CSNK1G1: variants seen among roughly 807,000 people sequenced by gnomAD.
The protein encoded by CSNK1G1 is casein kinase I isoform gamma-1.
A neutral mutation model predicts 59.6 loss-of-function variants in CSNK1G1; 22 were observed. The observed-to-expected ratio is 0.37, with a 90% CI of 0.26 to 0.53. The LOEUF is 0.53. CSNK1G1 is among the 20% of genes least tolerant of loss of function. The pLI is 0.89. For synonymous variants in CSNK1G1, 179 were observed against 177.1 expected (o/e 1.01, Z -0.08); for missense variants, 384 against 519.5 (o/e 0.74, Z 2.54).
rs1006936338 is a variant in CSNK1G1, at chr15:64,171,777, G to A, written c.*154C>T. ...ATGACCCACTAGGCCCTGGCTGCCC[G>A]CACTGGCCCCTTCTGGGGGCATCTG... On this transcript the variant is annotated 3_prime_UTR_variant, in exon 12 of 12. Coordinates refer to ENST00000303052, the MANE Select transcript of CSNK1G1 (RefSeq NM_022048.5). The surrounding 1 kb of genome is among the most constrained non-coding windows in gnomAD (Gnocchi z 4.8). 12 of 701,112 alleles carry A rather than the reference G, an allele frequency of 1.7e-5. No individual in the cohort carries two copies. Among genetic ancestry groups the A allele is most frequent in the East Asian group, 7.5e-5 (3 of 40,012 alleles). 43.4% of individuals were successfully genotyped at this position (701,112 alleles called of 1,614,324 possible). A position where few individuals can be genotyped will look rare whatever the true frequency, so the allele number is the denominator to read the frequency against.
chr15:64,352,321 A>C (rs1185461525), intron 1 of CSNK1G1, among the ~76,000 whole-genome samples: 1 of 152,008 alleles, frequency 6.6e-6, no homozygotes, highest in Non-Finnish European at 1.5e-5. Flanking sequence ...AAAAGTGAAA[A>C]GATAAAAGAA....
intron 4 of CSNK1G1, among the ~76,000 whole-genome samples, chr15:64,220,462 A>T (rs1013965965): frequency 3.3e-5 from 5 of 151,804 alleles, no homozygotes; most frequent in African/African-American, 7.3e-5. Context: ...GACAATTAGG[A>T]AAGACCAATG....
intron 4 of CSNK1G1, among the ~76,000 whole-genome samples, chr15:64,239,922 A>G (rs543080961): frequency 6.6e-5 from 10 of 152,326 alleles, no homozygotes; most frequent in African/African-American, 2.4e-4. Flanking sequence ...GTCATTTGAA[A>G]CTACTCAGTT....
intron 4 of CSNK1G1, among the ~76,000 whole-genome samples, chr15:64,225,006 C>CTTTTTTTTTT (rs750533422): frequency 8.2e-6 from 1 of 121,852 alleles, no homozygotes; most frequent in Non-Finnish European, 1.7e-5. Flanking sequence ...ATACACTTTT[C>CTTTTTTTTTT]TTTTTTTTTT....
intron 2 of CSNK1G1, among the ~76,000 whole-genome samples, chr15:64,259,521 CACAT>C (rs1367234666): frequency 9.4e-5 from 14 of 148,988 alleles, no homozygotes; most frequent in South Asian, 2.1e-4. Flanking sequence ...CACACACACA[CACAT>C]GCATGCATAT....
intron 2 of CSNK1G1, among the ~76,000 whole-genome samples, chr15:64,271,717 T>A (rs1348638781): frequency 2.0e-5 from 3 of 152,238 alleles, no homozygotes; most frequent in Non-Finnish European, 2.9e-5. Flanking sequence ...CATGTGGTGA[T>A]GAGAAGAATG....
Position 64,302,664 on chromosome 15 carries a change from A to G in CSNK1G1, c.-224-1941T>C, listed in dbSNP as rs182426288. Among the ~76,000 whole-genome samples the G allele has an allele frequency of 2.7e-3, 406 of 152,290 alleles. 4 individuals carry two copies. Among genetic ancestry groups the G allele is most frequent in the Non-Finnish European group, 5.0e-3 (342 of 68,016 alleles). Reference sequence around the variant, plus strand: ...CCCTCAAATGATATTAGAAAGAAAGAGAAAAAAATATCATAATTGTTGGGA... The same window carrying G: ...CCCTCAAATGATATTAGAAAGAAAGGGAAAAAAATATCATAATTGTTGGGA... On this transcript the variant is annotated intron_variant, in intron 1 of 11. Transcript: ENST00000303052.
chr15:64,267,763 A>C (rs1408267678), intron 2 of CSNK1G1, among the ~76,000 whole-genome samples: 1 of 152,194 alleles, frequency 6.6e-6, no homozygotes, highest in Non-Finnish European at 1.5e-5. Flanking sequence ...AAAATTAAAA[A>C]CAAAACTACC....
intron 1 of CSNK1G1, among the ~76,000 whole-genome samples, chr15:64,323,589 T>G (rs1331060369): frequency 6.6e-6 from 1 of 152,138 alleles, no homozygotes; most frequent in Admixed American, 6.5e-5. Flanking sequence ...GGTCTCAAAC[T>G]CCTGACCTCA....
intron 2 of CSNK1G1, among the ~76,000 whole-genome samples, chr15:64,286,996 T>C (rs1043034412): frequency 2.0e-5 from 3 of 152,242 alleles, no homozygotes; most frequent in Non-Finnish European, 4.4e-5. Context: ...TTATATTAAA[T>C]GCTAATGACT....
chr15:64,251,839 G>C (rs1323782212), intron 3 of CSNK1G1, among the ~76,000 whole-genome samples: 1 of 152,094 alleles, frequency 6.6e-6, no homozygotes, highest in Non-Finnish European at 1.5e-5. Flanking sequence ...TATCTTTCTT[G>C]CAATGAAATA....
chr15:64,203,869 G>A (rs1195854879), intron 9 of CSNK1G1, among the ~76,000 whole-genome samples: 1 of 152,104 alleles, frequency 6.6e-6, no homozygotes, highest in East Asian at 1.9e-4. Flanking sequence ...GGGGCCAGGT[G>A]TGGTGGCTCA....
chr15:64,225,575 T>C (rs542663568), intron 4 of CSNK1G1, among the ~76,000 whole-genome samples: 3 of 152,300 alleles, frequency 2.0e-5, no homozygotes, highest in East Asian at 1.9e-4. Context: ...TTCATTTACA[T>C]AGGGCATAAC....
At chr15:64,222,393 T>C (rs2140277556) in intron 4 of CSNK1G1, among the ~76,000 whole-genome samples, 1 of 149,454 alleles carries the variant, frequency 6.7e-6, no homozygotes, top group Non-Finnish European at 1.5e-5. Flanking sequence ...ATCCCGTTTT[T>C]TTTCTCCTTA....
intron 3 of CSNK1G1, among the ~76,000 whole-genome samples, chr15:64,257,230 A>G (rs1013914640): frequency 6.6e-6 from 1 of 152,084 alleles, no homozygotes; most frequent in Non-Finnish European, 1.5e-5. Flanking sequence ...AAATGTAACG[A>G]TCAATCATGT....
intron 2 of CSNK1G1, among the ~76,000 whole-genome samples, chr15:64,277,652 TATAGCA>T (rs1172577411): frequency 8.9e-4 from 113 of 127,010 alleles, no homozygotes; most frequent in African/African-American, 3.3e-3. Flanking sequence ...TATTTAATAA[TATAGCA>T]ATATTGATAT....
At chr15:64,309,764 A>AC (rs777985563) in intron 1 of CSNK1G1, among the ~76,000 whole-genome samples, 20 of 152,120 alleles carry the variant, frequency 1.3e-4, no homozygotes, top group Non-Finnish European at 2.5e-4. Context: ...CCAAATTTTC[A>AC]CCCATTTTAA....
At chr15:64,352,167 T>C (rs1898330408) in intron 1 of CSNK1G1, among the ~76,000 whole-genome samples, 1 of 151,802 alleles carries the variant, frequency 6.6e-6, no homozygotes. Context: ...TTAGCCAGCA[T>C]GGTGGCGCAT....
chr15:64,220,086 AATAAC>A (rs1385259677), intron 4 of CSNK1G1, among the ~76,000 whole-genome samples: 1 of 147,932 alleles, frequency 6.8e-6, no homozygotes, highest in East Asian at 2.0e-4. Flanking sequence ...CTTCTTTTAA[AATAAC>A]ATAACTTTTT....
Sources: gnomAD v4.1 joint callset for allele counts (sites outside exome capture counted in the v4.1 genomes callset) on GRCh38, gnomAD v4.1.1 for gene constraint, Gnocchi (gnomAD v3.1) non-coding constraint, MANE v1.5 for transcripts, NCBI Gene and HGNC (gene_info 2026-07-23, HGNC 2026-07-21) for gene names.